MYO16: variants seen among roughly 807,000 people sequenced by gnomAD.
MYO16 encodes the protein myosin XVI.
A neutral mutation model predicts 205.3 loss-of-function variants in MYO16; 94 were observed. The ratio of observed to expected loss-of-function variants is 0.46; its 90% CI spans 0.39 to 0.54. MYO16 has a LOEUF of 0.54. MYO16 is among the 20% of genes least tolerant of loss of function. The probability of loss-of-function intolerance (pLI) is 0.00; values close to 1 mark genes in which losing one functional copy is unlikely to be tolerated. For synonymous variants in MYO16, 988 were observed against 954.0 expected (o/e 1.04, Z -0.66); for missense variants, 2,315 against 2,387.5 (o/e 0.97, Z 0.63).
chr13:108,903,127 A>T (rs947184762), intron 15 of MYO16, among the ~76,000 whole-genome samples: 1 of 152,156 alleles, frequency 6.6e-6, no homozygotes, highest in Non-Finnish European at 1.5e-5. Flanking sequence ...TAATGGCCTC[A>T]GCTTCCTTTT....
At position 109,019,859 on chromosome 13, in the gene MYO16, T is replaced by C. The variant is rs566273727; in HGVS notation, c.2744T>C (p.Val915Ala). The change falls in exon 23 of 35, where the codon GTT becomes GCT. Residue 915 changes from valine to alanine, a missense_variant. Val to Ala is a moderately conservative substitution (Grantham distance 64, BLOSUM62 0). Coordinates refer to ENST00000457511, the MANE Select transcript of MYO16 (RefSeq NM_001198950.3). ...CCCATGAAGGATGGGAATGGGAATGTTGCCCTCAAAGACCACGGTACAGCC... is the reference window on the plus strand; with the variant it reads ...CCCATGAAGGATGGGAATGGGAATGCTGCCCTCAAAGACCACGGTACAGCC... The part of the protein sequence containing the change: ...YSPMKDGNGN[V>A]ALKDHGTAFT... 6.2e-7 allele frequency: 1 copy of C among 1,614,142 alleles called. No homozygotes were observed. Among genetic ancestry groups the C allele is most frequent in the African/African-American group, 1.3e-5 (1 of 75,040 alleles).
chr13:108,568,150 T>C, the MYO16 span, among the ~76,000 whole-genome samples: 7 of 152,220 alleles, frequency 4.6e-5, no homozygotes, highest in African/African-American at 1.2e-4. Flanking sequence ...TTGGTTATAA[T>C]GAATAATGTT....
In MYO16 at chr13:108,901,768, C is replaced by T. The variant is rs1367602833; in HGVS notation, c.1777+3635C>T. ...AACTCTGGCCAAATGATTTGGTGAT[C>T]GTTTTTTATGTTTTTTATTTAAGAG... On this transcript the variant is annotated intron_variant, in intron 15 of 34. Coordinates refer to ENST00000457511, the MANE Select transcript of MYO16 (RefSeq NM_001198950.3). 3.3e-5 allele frequency among the ~76,000 whole-genome samples: 5 copies of T among 152,030 alleles called. No homozygotes were observed. The East Asian group carries it at 7.7e-4, about 23-fold the overall frequency.
the MYO16 span, among the ~76,000 whole-genome samples, chr13:108,518,733 T>C: frequency 6.6e-5 from 10 of 152,120 alleles, no homozygotes; most frequent in East Asian, 1.9e-3. Context: ...TTAAAAAAAA[T>C]GTTGGGCAAA....
At chr13:108,936,085 TTTCCTTCCTTCCTTCC>T (rs56030003) in intron 16 of MYO16, among the ~76,000 whole-genome samples, 6,085 of 129,076 alleles carry the variant, frequency 0.047, 175 homozygotes, top group Non-Finnish European at 0.064. Context: ...TTGGCTATAG[TTTCCTTCCTTCCTTCC>T]TTCCTTCCTT....
chr13:108,974,737 C>G (rs1270395951), intron 20 of MYO16, among the ~76,000 whole-genome samples: 1 of 152,146 alleles, frequency 6.6e-6, no homozygotes, highest in Non-Finnish European at 1.5e-5. Context: ...TAAAATGACA[C>G]TAAGCATGTT....
At chr13:108,560,493 G>T in the MYO16 span, among the ~76,000 whole-genome samples, 4 of 152,042 alleles carry the variant, frequency 2.6e-5, no homozygotes, top group Admixed American at 6.6e-5. Context: ...CCAGTAAAAG[G>T]GTACTTGAAA....
At chr13:108,669,830 A>G (rs112869713) in intron 2 of MYO16, among the ~76,000 whole-genome samples, 6,489 of 152,246 alleles carry the variant, frequency 0.043, 164 homozygotes, top group Middle Eastern at 0.14. Flanking sequence ...GGAACAGAAA[A>G]CCAAACACCA....
rs558499088 is a variant in MYO16, at chr13:109,093,606, G to A, written c.3336-7179G>A. On this transcript the variant is annotated intron_variant, in intron 27 of 34. Coordinates refer to ENST00000457511, the MANE Select transcript of MYO16 (RefSeq NM_001198950.3). ...CCCTGTCTACTACACTGTGGGAAACGTCAGCCACAGCCTCCAGTTTGTTAG... is the reference window on the plus strand; with the variant it reads ...CCCTGTCTACTACACTGTGGGAAACATCAGCCACAGCCTCCAGTTTGTTAG... Among the ~76,000 whole-genome samples the A allele has an allele frequency of 3.3e-5, 5 of 152,186 alleles. No homozygotes were observed. The East Asian group carries it at 9.7e-4, about 29-fold the overall frequency.
intron 23 of MYO16, among the ~76,000 whole-genome samples, chr13:109,039,859 GA>G (rs1566476152): frequency 2.6e-5 from 4 of 151,848 alleles, no homozygotes; most frequent in Admixed American, 2.0e-4. Context: ...AATGGAATTA[GA>G]AAAAAAGGAG....
At chr13:108,688,486 G>A (rs1023258890) in intron 2 of MYO16, among the ~76,000 whole-genome samples, 7 of 151,752 alleles carry the variant, frequency 4.6e-5, no homozygotes, top group African/African-American at 1.5e-4. Flanking sequence ...CGCTATTATC[G>A]CCACCCTATT....
intron 21 of MYO16, 23 bp from the exon 22 acceptor site, chr13:109,008,874 T>C (rs759206217): frequency 6.2e-7 from 1 of 1,608,736 alleles, no homozygotes; most frequent in South Asian, 1.1e-5. Context: ...TGGTGAAATG[T>C]TTTCTTGTTT....
the MYO16 span, among the ~76,000 whole-genome samples, chr13:108,554,147 C>T: frequency 6.6e-6 from 1 of 152,070 alleles, no homozygotes; most frequent in African/African-American, 2.4e-5. Flanking sequence ...TTAATTCTGC[C>T]TTAACTTGAC....
chr13:108,936,395 T>A (rs898757152), intron 16 of MYO16, among the ~76,000 whole-genome samples: 1 of 152,058 alleles, frequency 6.6e-6, no homozygotes, highest in African/African-American at 2.4e-5. Flanking sequence ...TAGATTTAAT[T>A]TCAGAAGTTG....
chr13:108,523,266 G>A, the MYO16 span, among the ~76,000 whole-genome samples: 1 of 152,176 alleles, frequency 6.6e-6, no homozygotes, highest in Non-Finnish European at 1.5e-5. Flanking sequence ...TATCTAAGAG[G>A]AAACTCAGAT....
At chr13:108,728,833 A>G (rs1884427394) in intron 4 of MYO16, among the ~76,000 whole-genome samples, 1 of 152,210 alleles carries the variant, frequency 6.6e-6, no homozygotes, top group South Asian at 2.1e-4. Flanking sequence ...AACATTTTAA[A>G]TACACCATAC....
chr13:108,669,333 A>C (rs1344323582), intron 2 of MYO16, among the ~76,000 whole-genome samples: 2 of 152,092 alleles, frequency 1.3e-5, no homozygotes, highest in East Asian at 3.9e-4. Flanking sequence ...GGAGGTGATT[A>C]GTTTTCTTGA....
intron 32 of MYO16, among the ~76,000 whole-genome samples, chr13:109,155,057 C>T (rs755903749): frequency 2.0e-5 from 3 of 151,492 alleles, no homozygotes; most frequent in Non-Finnish European, 4.4e-5. Context: ...ATTGGCACAA[C>T]TTAATTTTCT....
rs746547397 is a variant in MYO16, at chr13:109,120,373, G to A, written c.3442G>A (p.Gly1148Arg). 10 of 1,600,286 alleles carry A rather than the reference G, an allele frequency of 6.2e-6. No individual in the cohort carries two copies. The highest frequency in any genetic ancestry group is 8.5e-6 in the Non-Finnish European group (10 of 1,173,356). The change falls in exon 29 of 35, where the codon GGA becomes AGA. Residue 1148 changes from glycine to arginine, a missense_variant. This residue lies in a region of MYO16 where 1,097 missense variants were observed against 1,092.0 expected (regional missense o/e 1.00). Coordinates refer to ENST00000457511, the MANE Select transcript of MYO16 (RefSeq NM_001198950.3). ...TTCCCTGCTGTTTGCATTTTAGATG[G>A]GAGTCCGAAAAGTGTTTCTAAAATA... ...QQCKLQGWQM[G>R]VRKVFLKYWH...
Sources: gnomAD v4.1 joint callset for allele counts (sites outside exome capture counted in the v4.1 genomes callset) on GRCh38, gnomAD v4.1.1 for gene constraint, gnomAD v4.1.1 regional missense constraint, MANE v1.5 for transcripts, NCBI Gene and HGNC (gene_info 2026-07-23, HGNC 2026-07-21) for gene names.